Variants in WWOX observed in about 807,000 individuals in gnomAD.
WWOX encodes WW domain-containing oxidoreductase.
A neutral mutation model predicts 46.2 loss-of-function variants in WWOX; 69 were observed. The ratio of observed to expected loss-of-function variants is 1.49; its 90% confidence interval spans 1.23 to 1.82. WWOX has a LOEUF of 1.82. WWOX is among the 40% of genes most tolerant of loss of function. The pLI is 0.00. For missense variants in WWOX, 919 were observed against 542.6 expected, an observed-to-expected ratio of 1.69 and a Z score of -6.89; for synonymous variants, 359 against 202.6, an observed-to-expected ratio of 1.77 and a Z score of -6.56.
At chr16:78,897,572 C>T (rs1004915637) in intron 8 of WWOX, 7 of 152,056 alleles carry the variant, frequency 4.6e-5, no homozygotes, top group Admixed American at 2.6e-4. Flanking sequence ...ATCTGTGCAC[C>T]TGTTGATGAG....
intron 8 of WWOX, among the ~76,000 whole-genome samples, chr16:78,739,031 G>T (rs1370861442): frequency 6.6e-6 from 1 of 152,124 alleles, no homozygotes; most frequent in Non-Finnish European, 1.5e-5. Context: ...ATGGTTTCCT[G>T]GTTGGATAGA....
chr16:78,212,349 C>G (rs1247014740), intron 5 of WWOX, among the ~76,000 whole-genome samples: 1 of 152,190 alleles, frequency 6.6e-6, no homozygotes, highest in Non-Finnish European at 1.5e-5. Flanking sequence ...AAGTCAATGG[C>G]CATCCCCAAA....
At chr16:78,349,452 C>G (rs1200317643) in intron 5 of WWOX, among the ~76,000 whole-genome samples, 1 of 120,742 alleles carries the variant, frequency 8.3e-6, no homozygotes, top group Admixed American at 8.1e-5. Context: ...GGATATCATG[C>G]TTTTCAGAGA....
In WWOX at chr16:78,996,421, G is replaced by T. The variant is rs564854503; in HGVS notation, c.1057-215187G>T. On this transcript the variant is annotated intron_variant, in intron 8 of 8. Transcript: ENST00000566780. Reference sequence around the variant, plus strand: ...CCACCTGTAAAATGATTTGCTCAAAGTTTGCAAAGAATGGAGGCATATTCA... The same window carrying T: ...CCACCTGTAAAATGATTTGCTCAAATTTTGCAAAGAATGGAGGCATATTCA... The T allele has an allele frequency of 8.3e-6, 7 of 843,174 alleles. No homozygotes were observed. The African/African-American group carries it at 1.6e-4, about 19-fold the overall frequency. 52.2% of individuals were successfully genotyped at this position (843,174 alleles called of 1,614,324 possible).
chr16:78,354,006 A>G, intron 5 of WWOX, among the ~76,000 whole-genome samples: 1 of 152,178 alleles, frequency 6.6e-6, no homozygotes, highest in Non-Finnish European at 1.5e-5. Context: ...TCCAGACAAT[A>G]AACTTTATTT....
rs1182311293 is a variant in WWOX, at chr16:78,109,581, G to A, written c.173-197G>A. 1.3e-5 allele frequency among the ~76,000 whole-genome samples: 2 copies of A among 152,096 alleles called. 1 individual carries two copies. Among genetic ancestry groups the A allele is most frequent in the Non-Finnish European group, 2.9e-5 (2 of 68,026 alleles). Reference sequence around the variant, plus strand: ...TTTCTTCAAAACAAGAGGCAAAAATGTGGAGCCCAGGGTGGGATCAGGGGC... The same window carrying A: ...TTTCTTCAAAACAAGAGGCAAAAATATGGAGCCCAGGGTGGGATCAGGGGC... On this transcript the variant is annotated intron_variant, in intron 2 of 8. Coordinates refer to ENST00000566780, the MANE Select transcript of WWOX (RefSeq NM_016373.4).
chr16:78,568,474 CTTT>C (rs200073404), intron 8 of WWOX, among the ~76,000 whole-genome samples: 9 of 133,354 alleles, frequency 6.7e-5, no homozygotes, highest in Admixed American at 7.6e-5. Context: ...AAGCTTCCAA[CTTT>C]TTTTTTTTTT....
At chr16:78,945,556 C>G (rs1287040243) in intron 8 of WWOX, among the ~76,000 whole-genome samples, 2 of 152,198 alleles carry the variant, frequency 1.3e-5, no homozygotes, top group Non-Finnish European at 2.9e-5. Flanking sequence ...CCAAAATATG[C>G]TGGCCTTTTA....
chr16:78,412,599 G>C (rs1171484365), intron 6 of WWOX, among the ~76,000 whole-genome samples: 1 of 152,182 alleles, frequency 6.6e-6, no homozygotes, highest in Non-Finnish European at 1.5e-5. Flanking sequence ...AGGTCCAAGA[G>C]TGGATGGTAT....
intron 8 of WWOX, among the ~76,000 whole-genome samples, chr16:78,464,930 C>G (rs943377527): frequency 5.3e-5 from 8 of 152,184 alleles, no homozygotes; most frequent in Admixed American, 3.9e-4. Context: ...TTACTGAACT[C>G]AGTCGTTTCA....
chr16:78,600,354 G>T (rs1482007488), intron 8 of WWOX, among the ~76,000 whole-genome samples: 4 of 152,044 alleles, frequency 2.6e-5, no homozygotes, highest in Admixed American at 2.6e-4. Flanking sequence ...ATAGCTGGAG[G>T]GGGGGCCCCA....
chr16:78,897,983 T>C (rs975633167), intron 8 of WWOX: 1 of 113,276 alleles, frequency 8.8e-6, no homozygotes. Context: ...TGCTTGTTTA[T>C]GTATTGGCCA....
chr16:78,755,341 T>C (rs1046610130), intron 8 of WWOX, among the ~76,000 whole-genome samples: 3 of 151,898 alleles, frequency 2.0e-5, no homozygotes, highest in African/African-American at 4.8e-5. Context: ...GAAGGCAATA[T>C]AGAAAATGCA....
chr16:79,001,337 G>A (rs1410189539), intron 8 of WWOX, among the ~76,000 whole-genome samples: 10 of 152,108 alleles, frequency 6.6e-5, no homozygotes, highest in Admixed American at 5.9e-4. Context: ...AGGAGAGTCA[G>A]GATGCATATT....
intron 8 of WWOX, among the ~76,000 whole-genome samples, chr16:79,023,888 A>G (rs554400208): frequency 8.5e-5 from 13 of 152,114 alleles, no homozygotes; most frequent in Non-Finnish European, 1.3e-4. Context: ...GTCAGGAGGC[A>G]GAGGTTGCAG....
intron 8 of WWOX, among the ~76,000 whole-genome samples, chr16:79,187,865 A>G (rs2051050027): frequency 6.6e-6 from 1 of 152,156 alleles, no homozygotes; most frequent in South Asian, 2.1e-4. Flanking sequence ...ATTTTTTGAG[A>G]AGAGAAAGAA....
chr16:78,865,412 C>A (rs919461066), intron 8 of WWOX, among the ~76,000 whole-genome samples: 1 of 152,172 alleles, frequency 6.6e-6, no homozygotes, highest in South Asian at 2.1e-4. Flanking sequence ...TCTTTACACT[C>A]CAGTGGACTT....
At chr16:78,964,313 T>C (rs188546482) in intron 8 of WWOX, among the ~76,000 whole-genome samples, 225 of 152,322 alleles carry the variant, frequency 1.5e-3, no homozygotes, top group Admixed American at 3.6e-3. Flanking sequence ...GATAGCAATA[T>C]GGACAATAAT....
intron 8 of WWOX, among the ~76,000 whole-genome samples, chr16:79,034,334 C>G (rs868135371): frequency 1.3e-5 from 2 of 152,118 alleles, no homozygotes; most frequent in South Asian, 2.1e-4. Context: ...TCCATTTGGG[C>G]ATTGTATATG....
Sources: allele counts gnomAD v4.1 joint callset (sites outside exome capture counted in the v4.1 genomes callset), GRCh38; gene constraint gnomAD v4.1.1; transcripts MANE v1.5; gene names NCBI Gene and HGNC (gene_info 2026-07-23, HGNC 2026-07-21).